The following RNF212 variants were observed in gnomAD, a reference collection of about 807,000 sequenced individuals.
RNF212 encodes the protein ring finger protein 212.
In RNF212, 33 loss-of-function variants were observed where a neutral mutation model predicts 34.7. The observed-to-expected ratio is 0.95, with a 90% CI of 0.72 to 1.27. RNF212 has a LOEUF of 1.27. Ranked by LOEUF, RNF212 falls within the 50% of genes most tolerant of loss-of-function variation. The probability of loss-of-function intolerance (pLI) is 0.00; values close to 1 mark genes in which losing one functional copy is unlikely to be tolerated. For synonymous variants in RNF212, 140 were observed against 136.1 expected (o/e 1.03, Z -0.20); for missense variants, 377 against 362.2 (o/e 1.04, Z -0.33).
chr4:1,076,688 C>T (rs528189057), intron 8 of RNF212, among the ~76,000 whole-genome samples: 18 of 152,324 alleles, frequency 1.2e-4, no homozygotes, highest in South Asian at 6.2e-4. Context: ...CACATCCACT[C>T]CAGGGTGACA....
chr4:1,108,389 C>A lies in RNF212; in HGVS notation c.125G>T (p.Cys42Phe). The change falls in exon 2 of 10, where the codon TGC becomes TTC. Residue 42 changes from cysteine to phenylalanine, a missense_variant. By Grantham distance (205) the Cys-to-Phe change is radical (BLOSUM62 -2). Coordinates refer to ENST00000433731, the MANE Select transcript of RNF212 (RefSeq NM_001131034.4). ...ACGACAAGGAGCTTTACAAATCAAG[C>A]ATTCATTCTTTTTACCTATAAAATA... ...ACLGKGKKNECLICKAPCRTV... is the reference protein window; with the variant it reads ...ACLGKGKKNEFLICKAPCRTV... 6.7e-7 allele frequency: 1 copy of A among 1,499,120 alleles called. No homozygotes were observed. Among genetic ancestry groups the A allele is most frequent in the Non-Finnish European group, 8.8e-7 (1 of 1,131,788 alleles). 92.9% of individuals were successfully genotyped at this position (1,499,120 alleles called of 1,614,324 possible). A position where few individuals can be genotyped will look rare whatever the true frequency, so the allele number is the denominator to read the frequency against.
chr4:1,056,934 C>A (rs766555030), intron 4 of RNF212: 94 of 987,750 alleles, frequency 9.5e-5, no homozygotes, highest in Admixed American at 1.2e-4. Flanking sequence ...TCCCCTCTTC[C>A]TGCTCTCCCT....
chr4:1,105,966 C>A (rs760128282), intron 2 of RNF212, among the ~76,000 whole-genome samples: 1 of 152,204 alleles, frequency 6.6e-6, no homozygotes, highest in East Asian at 1.9e-4. Flanking sequence ...GACCACGAGG[C>A]GGCCAGAGGC....
In RNF212 at chr4:1,081,631, G is replaced by T; in HGVS notation, c.363-12C>A. 6.3e-7 allele frequency: 1 copy of T among 1,589,174 alleles called. No homozygotes were observed. Among genetic ancestry groups the T allele is most frequent in the South Asian group, 1.1e-5 (1 of 90,456 alleles). ...GTGATGATCTCATACTAAATAGATGGAGAAAAGGTATTGAATTAAATCATA... is the reference window on the plus strand; with the variant it reads ...GTGATGATCTCATACTAAATAGATGTAGAAAAGGTATTGAATTAAATCATA... On this transcript the variant is annotated splice_polypyrimidine_tract_variant and intron_variant, in intron 5 of 9. Coordinates refer to ENST00000433731, the MANE Select transcript of RNF212 (RefSeq NM_001131034.4).
chr4:1,098,186 T>TAG (rs4045482), intron 2 of RNF212, among the ~76,000 whole-genome samples: 27,961 of 151,948 alleles, frequency 0.18, 4,152 homozygotes, highest in African/African-American at 0.42. Context: ...AGTGAGCGCA[T>TAG]AGAGTCAAGA....
chr4:1,067,643 T>C (rs1718172973), downstream of RNF212, among the ~76,000 whole-genome samples: 2 of 152,206 alleles, frequency 1.3e-5, no homozygotes, highest in African/African-American at 4.8e-5. Flanking sequence ...GGTGGATGGA[T>C]GGCTTGAGGC....
Position 1,108,370 on chromosome 4 carries a change from A to C in RNF212, c.144T>G (p.Pro48=), listed in dbSNP as rs1445987916. ...KKNECLICKA[P]CRTVLLSKHT... ...GCTTTGAAAGCAAAACTGTACGACA[A>C]GGAGCTTTACAAATCAAGCATTCAT... The change falls in exon 2 of 10, where the codon CCT becomes CCG. Residue 48 remains proline (P), a synonymous_variant. Transcript: ENST00000433731. The C allele has an allele frequency of 6.6e-6, 10 of 1,511,074 alleles. No homozygotes were observed. The highest frequency in any genetic ancestry group is 8.8e-6 in the Non-Finnish European group (10 of 1,139,544). 93.6% of individuals were successfully genotyped at this position (1,511,074 alleles called of 1,614,324 possible). A position where few individuals can be genotyped will look rare whatever the true frequency, so the allele number is the denominator to read the frequency against.
At chr4:1,056,995 A>T in intron 4 of RNF212, 1 of 987,704 alleles carries the variant, frequency 1.0e-6, no homozygotes. Context: ...GAATTTGCAG[A>T]GGTGGAATCC....
Position 1,113,445 on chromosome 4 carries a change from C to G in RNF212, c.20G>C (p.Cys7Ser). 1 of 1,607,918 alleles carries G rather than the reference C, an allele frequency of 6.2e-7. No individual in the cohort carries two copies. Among genetic ancestry groups the G allele is most frequent in the Non-Finnish European group, 8.5e-7 (1 of 1,177,998 alleles). Residue 7 changes from cysteine (C) to serine (S), a missense_variant, in exon 1 of 10, where the codon TGT (cysteine) becomes TCT (serine). Physicochemically the swap from Cys to Ser is moderately radical, Grantham distance 112. Coordinates refer to ENST00000433731, the MANE Select transcript of RNF212 (RefSeq NM_001131034.4). MANWVF[C>S]NRCFQPPHRT... ...GTGGGGCGGCTGGAAGCAGCGATTA[C>G]AGAACACCCAGTTGGCCATGCCAGG...
chr4:1,061,975 G>A (rs1251338662), intron 3 of RNF212, among the ~76,000 whole-genome samples: 2 of 152,264 alleles, frequency 1.3e-5, no homozygotes, highest in African/African-American at 4.8e-5. Flanking sequence ...GGCCCAGATC[G>A]CATTTCCTAA....
chr4:1,110,279 G>A (rs1725454238), intron 1 of RNF212, among the ~76,000 whole-genome samples: 1 of 152,072 alleles, frequency 6.6e-6, no homozygotes, highest in Admixed American at 6.5e-5. Context: ...AATGCAAACA[G>A]CCAATAAACA....
At chr4:1,085,845 C>A in intron 5 of RNF212, 51 bp downstream of exon 5, 1 of 1,233,498 alleles carries the variant, frequency 8.1e-7, no homozygotes, top group East Asian at 2.3e-5. Context: ...GACCAATGCA[C>A]ATGGCAGTGG....
intron 1 of RNF212, among the ~76,000 whole-genome samples, chr4:1,108,708 T>A (rs866692070): frequency 1.3e-5 from 2 of 152,086 alleles, no homozygotes; most frequent in African/African-American, 4.8e-5. Flanking sequence ...AAATTAAAAA[T>A]TTTTTTTGAG....
intron 5 of RNF212, among the ~76,000 whole-genome samples, chr4:1,082,174 G>A (rs568360123): frequency 3.6e-4 from 55 of 152,252 alleles, no homozygotes; most frequent in South Asian, 1.9e-3. Context: ...AGAAAAGAAA[G>A]AAAAACAGGC....
chr4:1,097,234 T>C (rs923128478), intron 2 of RNF212, among the ~76,000 whole-genome samples: 1 of 152,198 alleles, frequency 6.6e-6, no homozygotes, highest in Non-Finnish European at 1.5e-5. Flanking sequence ...AAGTCACCAC[T>C]ATGTAGTCAC....
chr4:1,073,736 G>T, intron 8 of RNF212, 74 bp from the exon 9 acceptor site: 1 of 955,952 alleles, frequency 1.0e-6, no homozygotes, highest in Admixed American at 1.8e-5. Flanking sequence ...CCCACTGTCT[G>T]TTAGGAACAC....
intron 3 of RNF212, among the ~76,000 whole-genome samples, chr4:1,091,754 G>T (rs1030517783): frequency 6.6e-6 from 1 of 152,218 alleles, no homozygotes; most frequent in African/African-American, 2.4e-5. Context: ...GGGCTGCACA[G>T]GGGCCCTCCT....
At chr4:1,071,261 T>A (rs529691252), downstream of RNF212, among the ~76,000 whole-genome samples, 19 of 152,028 alleles carry the variant, frequency 1.2e-4, no homozygotes, top group South Asian at 4.2e-4. Flanking sequence ...TAAATTATTT[T>A]AAAAAAACTA....
At chr4:1,069,210 CA>C (rs33961572), downstream of RNF212, among the ~76,000 whole-genome samples, 4 of 149,264 alleles carry the variant, frequency 2.7e-5, no homozygotes, top group Non-Finnish European at 4.5e-5. Context: ...GATTGTGTCT[CA>C]AAAAAAAAAA....
Sources: gnomAD v4.1 joint callset for allele counts (sites outside exome capture counted in the v4.1 genomes callset) on GRCh38, gnomAD v4.1.1 for gene constraint, MANE v1.5 for transcripts, NCBI Gene and HGNC (gene_info 2026-07-23, HGNC 2026-07-21) for gene names.